UNC13B: variants seen among roughly 807,000 people sequenced by gnomAD.
The protein encoded by UNC13B is protein unc-13 homolog B.
In UNC13B, 144 loss-of-function variants were observed where a neutral mutation model predicts 211.0. That is an observed-to-expected ratio of 0.68 (90% confidence interval 0.60 to 0.78). The LOEUF (loss-of-function observed/expected upper bound fraction) is 0.78, where lower values mean the gene tolerates loss of function less well. UNC13B is among the 30% of genes least tolerant of loss of function. The probability of loss-of-function intolerance (pLI) is 0.00; values close to 1 mark genes in which losing one functional copy is unlikely to be tolerated. For missense variants in UNC13B, 1,777 were observed against 2,002.0 expected, an observed-to-expected ratio of 0.89 and a Z score of 2.14; for synonymous variants, 709 against 725.8, an observed-to-expected ratio of 0.98 and a Z score of 0.37.
At chr9:35,314,249 C>G (rs1830333585) in intron 11 of UNC13B, among the ~76,000 whole-genome samples, 1 of 152,080 alleles carries the variant, frequency 6.6e-6, no homozygotes, top group African/African-American at 2.4e-5. Context: ...TGTTCATTGT[C>G]TCTTTGAAGC....
In UNC13B at chr9:35,396,516, G is replaced by C. The variant is rs371473723; in HGVS notation, c.11349G>C (p.Met3783Ile). ...KDHLCKSADYMNLHFKVKWLH... is the reference protein window; with the variant it reads ...KDHLCKSADYINLHFKVKWLH... ...ACCTGTGTAAAAGTGCTGACTACAT[G>C]AACCTGCACTTCAAGGTGAAGTGGC... Residue 3783 changes from methionine (M) to isoleucine (I), a missense_variant, in exon 27 of 40, where the codon ATG becomes ATC. Met to Ile is a conservative substitution (Grantham distance 10, BLOSUM62 1). Transcript: ENST00000635942. The C allele has an allele frequency of 6.2e-7, 1 of 1,614,156 alleles. No individual in the cohort carries two copies. Among genetic ancestry groups the C allele is most frequent in the Non-Finnish European group, 8.5e-7 (1 of 1,180,030 alleles).
At position 35,231,185 on chromosome 9, in the gene UNC13B, G is replaced by T. The variant is rs771724849; in HGVS notation, c.118G>T (p.Gly40Cys). 6.2e-7 allele frequency: 1 copy of T among 1,613,300 alleles called. No homozygotes were observed. The highest frequency in any genetic ancestry group is 1.1e-5 in the South Asian group (1 of 91,028). ...NVKSTTVAVR[G>C]DQPSWEQDFM... ...GAAGAGCACAACTGTAGCAGTTCGT[G>T]GTGATCAGCCTTCCTGGGAACAGGA... Residue 40 changes from glycine (G) to cysteine (C), a missense_variant, in exon 3 of 40, where the codon GGT (glycine) becomes TGT (cysteine). Gly to Cys is a radical substitution (Grantham distance 159, BLOSUM62 -3). Coordinates refer to ENST00000635942, the MANE Select transcript of UNC13B (RefSeq NM_001371189.2).
Position 35,370,392 on chromosome 9 carries a change from A to G in UNC13B, c.9536A>G (p.Asp3179Gly). ...RRKKPLPLVS[D>G]LSLVQSRKAG... The stretch of plus-strand genomic sequence containing the variant: ...AAGAAGCCACTGCCACTTGTCAGTG[A>G]TCTGGTGAGTGAAGACTCTTGTGCA... The change falls in exon 13 of 40, where the codon GAT (aspartate) becomes GGT (glycine). Residue 3179 changes from aspartate (D) to glycine (G), a missense_variant. Asp to Gly is a moderately conservative substitution (Grantham distance 94). Transcript: ENST00000635942. The G allele has an allele frequency of 6.2e-7, 1 of 1,613,762 alleles. No individual in the cohort carries two copies. Among genetic ancestry groups the G allele is most frequent in the Non-Finnish European group, 8.5e-7 (1 of 1,179,930 alleles).
At chr9:35,367,813 G>A (rs1403113545) in intron 12 of UNC13B, among the ~76,000 whole-genome samples, 2 of 152,202 alleles carry the variant, frequency 1.3e-5, no homozygotes, top group African/African-American at 4.8e-5. Flanking sequence ...GCTGCTCAGT[G>A]TAGCCTGTAA....
intron 6 of UNC13B, among the ~76,000 whole-genome samples, chr9:35,252,563 T>C (rs1342583621): frequency 6.6e-6 from 1 of 151,920 alleles, no homozygotes; most frequent in East Asian, 1.9e-4. Context: ...CACCTCGGCC[T>C]CCCAAAGTGC....
intron 11 of UNC13B, chr9:35,352,493 CA>C: frequency 2.4e-6 from 3 of 1,232,016 alleles, no homozygotes; most frequent in Non-Finnish European, 3.0e-6. Context: ...ATCATTTTTT[CA>C]ACAACAACAT....
Position 35,300,400 on chromosome 9 carries a change from G to T in UNC13B, c.996G>T (p.Met332Ile), listed in dbSNP as rs190126942. Residue 332 changes from methionine to isoleucine, a missense_variant, in exon 9 of 40, where the codon ATG becomes ATT. Transcript: ENST00000635942. Reference sequence around the variant, plus strand: ...ATGGATTTGTGGTTAAGAGTGGCATGCAGCGCATTAAGTTGGAAAGTCATG... The same window carrying T: ...ATGGATTTGTGGTTAAGAGTGGCATTCAGCGCATTAAGTTGGAAAGTCATG... Reference protein sequence around the residue: ...YKNGFVVKSGMQRIKLESHDY... With the variant: ...YKNGFVVKSGIQRIKLESHDY... 2.3e-5 allele frequency: 9 copies of T among 399,026 alleles called. No individual in the cohort carries two copies. The allele number at this position is 399,026 out of a possible 1,614,324, so 24.7% of individuals were successfully genotyped here. A position where few individuals can be genotyped will look rare whatever the true frequency, so the allele number is the denominator to read the frequency against.
intron 11 of UNC13B, chr9:35,353,441 G>T: frequency 8.1e-7 from 1 of 1,232,286 alleles, no homozygotes. Context: ...GGGTGCCCAG[G>T]ATTGCTCACT....
chr9:35,375,130 C>T lies in UNC13B; in HGVS notation c.9544C>T (p.Leu3182=). The change falls in exon 14 of 40, where the codon CTG becomes TTG. Residue 3182 remains leucine (L), a synonymous_variant. Coordinates refer to ENST00000635942, the MANE Select transcript of UNC13B (RefSeq NM_001371189.2). The part of the protein sequence containing the change: ...KPLPLVSDLS[L]VQSRKAGITS... ...AACAGCAGATCTTCCCTGACAGTCA[C>T]TGGTCCAGTCTCGGAAGGCAGGAAT... is the stretch of plus-strand genomic sequence containing the variant. The T allele has an allele frequency of 6.2e-7, 1 of 1,614,178 alleles. No homozygotes were observed. The highest frequency in any genetic ancestry group is 8.5e-7 in the Non-Finnish European group (1 of 1,180,006).
At chr9:35,271,730 T>G (rs1481344562) in intron 7 of UNC13B, among the ~76,000 whole-genome samples, 1 of 152,242 alleles carries the variant, frequency 6.6e-6, no homozygotes, top group Non-Finnish European at 1.5e-5. Flanking sequence ...TTTTCAATTT[T>G]TATACATGTC....
At chr9:35,393,530 G>A (rs558724301) in intron 26 of UNC13B, among the ~76,000 whole-genome samples, 11 of 151,646 alleles carry the variant, frequency 7.3e-5, no homozygotes, top group South Asian at 2.1e-4. Context: ...GAGTCAGATC[G>A]TGAAGGAGGT....
chr9:35,202,192 A>G (rs999094003), intron 1 of UNC13B, among the ~76,000 whole-genome samples: 12 of 152,082 alleles, frequency 7.9e-5, no homozygotes, highest in Admixed American at 2.0e-4. Context: ...ATTGCACTGT[A>G]GTCTGAGAGA....
At position 35,227,997 on chromosome 9, in the gene UNC13B, C is replaced by T. The variant is rs915341522; in HGVS notation, c.23-18C>T. On this transcript the variant is annotated intron_variant, in intron 1 of 39. Coordinates refer to ENST00000635942, the MANE Select transcript of UNC13B (RefSeq NM_001371189.2). ...ACTTGGAAACATTCTTCATGGTATC[C>T]TCTTTTTTCTCTTGCAGTTAAAAGG... 20 of 1,609,848 alleles carry T rather than the reference C, an allele frequency of 1.2e-5. No individual in the cohort carries two copies. The highest frequency in any genetic ancestry group is 4.0e-5 in the African/African-American group (3 of 74,728).
At chr9:35,388,224 A>G (rs1835306509) in intron 24 of UNC13B, among the ~76,000 whole-genome samples, 1 of 152,192 alleles carries the variant, frequency 6.6e-6, no homozygotes, top group African/African-American at 2.4e-5. Flanking sequence ...CCTGGCCAAT[A>G]TGGTGAAACC....
At chr9:35,260,436 A>G (rs746577490) in intron 7 of UNC13B, among the ~76,000 whole-genome samples, 2 of 152,208 alleles carry the variant, frequency 1.3e-5, no homozygotes, top group Non-Finnish European at 2.9e-5. Context: ...GGTGAAGTAA[A>G]TATTCAAACA....
At chr9:35,375,879 C>T in intron 14 of UNC13B, 149 bp from the exon 15 acceptor site, 1 of 728,234 alleles carries the variant, frequency 1.4e-6, no homozygotes, top group African/African-American at 1.8e-5. Context: ...TACTTGGGGG[C>T]CAAGGCAGGA....
intron 1 of UNC13B, among the ~76,000 whole-genome samples, chr9:35,172,208 A>T (rs1477111866): frequency 6.6e-6 from 1 of 151,382 alleles, no homozygotes. Flanking sequence ...GATATGTCAT[A>T]GATGTATGTG....
chr9:35,231,371 T>C, intron 3 of UNC13B, 152 bp downstream of exon 3: 2 of 548,406 alleles, frequency 3.6e-6, no homozygotes, highest in East Asian at 3.0e-5. Context: ...TGTGGAGTTA[T>C]AGAAATAAGT....
chr9:35,300,252 A>G lies in UNC13B; in HGVS notation c.848A>G (p.Tyr283Cys), dbSNP rs904462246. The change falls in exon 9 of 40, where the codon TAT becomes TGT. Residue 283 changes from tyrosine (Y) to cysteine (C), a missense_variant. Transcript: ENST00000635942. ...TTTGAAGACAGTGAAAGAAGGCAAT[A>G]TGGTGAGAGATCTGAAACTAAGACT... ...NHFEDSERRQ[Y>C]GERSETKTNY... 3 of 398,802 alleles carry G rather than the reference A, an allele frequency of 7.5e-6. No homozygotes were observed. Among genetic ancestry groups the G allele is most frequent in the Non-Finnish European group, 1.3e-5 (3 of 226,030 alleles). The allele number at this position is 398,802 out of a possible 1,614,324, so 24.7% of individuals were successfully genotyped here. A position where few individuals can be genotyped will look rare whatever the true frequency, so the allele number is the denominator to read the frequency against.
Sources: allele counts gnomAD v4.1 joint callset (sites outside exome capture counted in the v4.1 genomes callset), GRCh38; gene constraint gnomAD v4.1.1; transcripts MANE v1.5; gene names NCBI Gene and HGNC (gene_info 2026-07-23, HGNC 2026-07-21).